CCSER1: variants seen among roughly 807,000 people sequenced by gnomAD.
CCSER1 encodes serine-rich coiled-coil domain-containing protein 1.
In CCSER1, 41 loss-of-function variants were observed where a neutral mutation model predicts 82.0. That is an observed-to-expected ratio of 0.50 (90% confidence interval 0.39 to 0.65). The LOEUF (loss-of-function observed/expected upper bound fraction) is 0.65, where lower values mean the gene tolerates loss of function less well. Among genes scored for constraint, CCSER1 ranks in the 30% least tolerant of loss-of-function variants. CCSER1 has a pLI of 0.00. For missense variants in CCSER1, 1,119 were observed against 1,064.2 expected, an observed-to-expected ratio of 1.05 and a Z score of -0.72; for synonymous variants, 414 against 383.9, an observed-to-expected ratio of 1.08 and a Z score of -0.92.
intron 10 of CCSER1, among the ~76,000 whole-genome samples, chr4:91,461,376 G>T (rs1405968478): frequency 1.3e-5 from 2 of 152,164 alleles, no homozygotes; most frequent in African/African-American, 2.4e-5. Context: ...GAGACACAAA[G>T]AAGTTAGTAG....
At chr4:91,442,424 G>C (rs1052065955) in intron 10 of CCSER1, among the ~76,000 whole-genome samples, 2 of 148,140 alleles carry the variant, frequency 1.4e-5, no homozygotes, top group East Asian at 2.0e-4. Context: ...GCCATATGTA[G>C]AAAGCTGAAA....
At chr4:91,065,864 A>G (rs1178708845) in intron 9 of CCSER1, among the ~76,000 whole-genome samples, 1 of 146,392 alleles carries the variant, frequency 6.8e-6, no homozygotes, top group Admixed American at 7.0e-5. Flanking sequence ...ACTTCTTTCA[A>G]TAATATGACA....
intron 9 of CCSER1, among the ~76,000 whole-genome samples, chr4:91,084,058 G>A (rs1723102116): frequency 1.3e-5 from 2 of 152,078 alleles, no homozygotes; most frequent in African/African-American, 4.8e-5. Context: ...AGCCTCCCGA[G>A]TAGCTGGGAT....
intron 5 of CCSER1, among the ~76,000 whole-genome samples, chr4:90,556,653 A>G (rs1778175956): frequency 6.6e-6 from 1 of 151,976 alleles, no homozygotes; most frequent in African/African-American, 2.4e-5. Context: ...AGAAAATATT[A>G]TGAAAATAAT....
At chr4:91,147,975 T>C (rs1484972857) in intron 10 of CCSER1, among the ~76,000 whole-genome samples, 3 of 152,198 alleles carry the variant, frequency 2.0e-5, no homozygotes, top group Admixed American at 2.0e-4. Context: ...CTTTAGTAGA[T>C]ATAGATTTTA....
At chr4:91,293,994 CT>C (rs1016696050) in intron 10 of CCSER1, among the ~76,000 whole-genome samples, 2 of 150,862 alleles carry the variant, frequency 1.3e-5, no homozygotes, top group Non-Finnish European at 1.5e-5. Context: ...CCCCAGCCCT[CT>C]TTTTTTTTAT....
chr4:90,319,151 G>A (rs1158223986), intron 3 of CCSER1, among the ~76,000 whole-genome samples: 3 of 152,118 alleles, frequency 2.0e-5, no homozygotes, highest in African/African-American at 7.2e-5. Flanking sequence ...AGACCCAGCT[G>A]CTAGTGCTGA....
At chr4:91,157,448 T>C (rs192308908) in intron 10 of CCSER1, among the ~76,000 whole-genome samples, 50 of 152,102 alleles carry the variant, frequency 3.3e-4, no homozygotes, top group African/African-American at 1.1e-3. Context: ...TCACAATTTT[T>C]CCAATAGTAT....
intron 7 of CCSER1, among the ~76,000 whole-genome samples, chr4:90,749,642 T>C (rs573221300): frequency 4.6e-5 from 7 of 152,274 alleles, no homozygotes; most frequent in Non-Finnish European, 8.8e-5. Flanking sequence ...ATGGCCATTT[T>C]CACGATATTG....
At position 91,605,061 on chromosome 4, in the gene CCSER1, C is replaced by A. The variant is rs1329138130; in HGVS notation, c.*6004C>A. The A allele has an allele frequency of 1.3e-5, 2 of 151,254 alleles. No homozygotes were observed. Among genetic ancestry groups the A allele is most frequent in the African/African-American group, 4.8e-5 (2 of 41,272 alleles). The allele number at this position is 151,254 out of a possible 1,614,324, so 9.4% of individuals were successfully genotyped here. On this transcript the variant is annotated 3_prime_UTR_variant, in exon 11 of 11. Coordinates refer to ENST00000509176, the MANE Select transcript of CCSER1 (RefSeq NM_001145065.2). ...ATTCATCATCTCTAAAACTCTAAAACTTTAGTGAGAAAGATAATAAATAGA... is the reference window on the plus strand; with the variant it reads ...ATTCATCATCTCTAAAACTCTAAAAATTTAGTGAGAAAGATAATAAATAGA...
At chr4:90,899,262 T>A (rs1724236129) in intron 8 of CCSER1, among the ~76,000 whole-genome samples, 2 of 152,128 alleles carry the variant, frequency 1.3e-5, no homozygotes, top group South Asian at 4.1e-4. Context: ...TTGAATATTG[T>A]TGATGTATAG....
At chr4:90,708,668 C>T (rs141182605) in intron 6 of CCSER1, among the ~76,000 whole-genome samples, 4 of 152,164 alleles carry the variant, frequency 2.6e-5, no homozygotes, top group Admixed American at 1.3e-4. Context: ...CCTCCTTGTT[C>T]TATTGTAACT....
chr4:91,137,101 G>A (rs1242462342), intron 10 of CCSER1, among the ~76,000 whole-genome samples: 6 of 145,480 alleles, frequency 4.1e-5, no homozygotes, highest in Non-Finnish European at 9.1e-5. Flanking sequence ...ATGCTGGTGC[G>A]CTGCACCCAC....
rs1731712464 is a variant in CCSER1, at chr4:91,163,755, C to T, written c.2217+77761C>T. ...TTTTTCAGAGACTAGGATTGCAATC[C>T]CTGCTTTTTTTTGCTTTGCATTTGC... On this transcript the variant is annotated intron_variant, in intron 10 of 10. Transcript: ENST00000509176. 1.3e-5 allele frequency among the ~76,000 whole-genome samples: 2 copies of T among 149,218 alleles called. 1 individual carries two copies. The highest frequency in any genetic ancestry group is 7.0e-3 in the Middle Eastern group (2 of 284).
rs547511357 is a variant in CCSER1, at chr4:91,580,415, ATT to A, written c.2218-18149_2218-18148del. ...CTTTAATCTTTCTTTTCTAACAATA[ATT>A]TTTTTTTGGCTTACACTTTTATATA... On this transcript the variant is annotated intron_variant, in intron 10 of 10. Coordinates refer to ENST00000509176, the MANE Select transcript of CCSER1 (RefSeq NM_001145065.2). Among the ~76,000 whole-genome samples, 206 of 151,026 alleles carry A rather than the reference ATT, an allele frequency of 1.4e-3. 1 individual carries two copies. The highest frequency in any genetic ancestry group is 4.7e-3 in the African/African-American group (196 of 41,282).
At chr4:90,670,069 C>T (rs1049456870) in intron 6 of CCSER1, among the ~76,000 whole-genome samples, 1 of 152,090 alleles carries the variant, frequency 6.6e-6, no homozygotes, top group Non-Finnish European at 1.5e-5. Flanking sequence ...CACATGATAA[C>T]ATTTTCATGT....
At chr4:90,552,997 A>ATTTTTTTTTT in intron 5 of CCSER1, among the ~76,000 whole-genome samples, 1 of 141,742 alleles carries the variant, frequency 7.1e-6, no homozygotes. Flanking sequence ...TTTGAGACGG[A>ATTTTTTTTTT]GTCTCGCTCT....
At chr4:90,795,162 C>T (rs1285259674) in intron 7 of CCSER1, among the ~76,000 whole-genome samples, 2 of 151,914 alleles carry the variant, frequency 1.3e-5, no homozygotes, top group African/African-American at 4.8e-5. Flanking sequence ...TTGCGGGCAC[C>T]TGTAATCCCA....
At chr4:91,515,118 T>C (rs1760033768) in intron 10 of CCSER1, among the ~76,000 whole-genome samples, 1 of 152,188 alleles carries the variant, frequency 6.6e-6, no homozygotes, top group Non-Finnish European at 1.5e-5. Flanking sequence ...GTATTATTTT[T>C]CACCCTATTA....
Sources: allele counts gnomAD v4.1 joint callset (sites outside exome capture counted in the v4.1 genomes callset), GRCh38; gene constraint gnomAD v4.1.1; transcripts MANE v1.5; gene names NCBI Gene and HGNC (gene_info 2026-07-23, HGNC 2026-07-21).